Variants in NUP214 observed in about 807,000 individuals in gnomAD.
The protein encoded by NUP214 is nuclear pore complex protein Nup214.
NUP214 carries 79 observed loss-of-function variants against 196.2 expected under a neutral mutation model. That is an observed-to-expected ratio of 0.40 (90% CI 0.34 to 0.49). NUP214 has a LOEUF of 0.49. Ranked by LOEUF, NUP214 falls within the 20% of genes least tolerant of loss-of-function variation. NUP214 has a pLI of 0.58. For synonymous variants in NUP214, 1,020 were observed against 990.5 expected (o/e 1.03, Z -0.56); for missense variants, 2,468 against 2,539.0 (o/e 0.97, Z 0.60).
intron 27 of NUP214, chr9:131,194,168 C>CGTGTGTGTGTGTGTGTGTGTGTGTGT (rs555926078): frequency 7.0e-6 from 1 of 142,816 alleles, no homozygotes; most frequent in African/African-American, 2.6e-5. Context: ...TTGAACTTTG[C>CGTGTGTGTGTGTGTGTGTGTGTGTGT]GTGTGTGTGT....
At chr9:131,229,773 G>T (rs529414786) in intron 33 of NUP214, 1 of 518,892 alleles carries the variant, frequency 1.9e-6, no homozygotes, top group South Asian at 1.4e-5. Flanking sequence ...TCCAATGAGA[G>T]CAGATCCCTT....
At chr9:131,129,499 A>G in intron 4 of NUP214, 22 bp downstream of exon 4, 10 of 1,597,160 alleles carry the variant, frequency 6.3e-6, no homozygotes, top group Non-Finnish European at 8.6e-6. Flanking sequence ...AGGCTTTCAC[A>G]CTGTAGCATA....
At chr9:131,190,205 T>C in intron 26 of NUP214, 1 of 419,356 alleles carries the variant, frequency 2.4e-6, no homozygotes, top group Non-Finnish European at 4.2e-6. Flanking sequence ...GGCCTAAAGC[T>C]TTATGTTAAA....
intron 13 of NUP214, 55 bp from the exon 14 acceptor site, chr9:131,147,435 G>A: frequency 7.9e-7 from 1 of 1,264,266 alleles, no homozygotes; most frequent in Non-Finnish European, 1.1e-6. Context: ...ATTTGTGATA[G>A]GAGAAATAAA....
At chr9:131,184,525 G>A (rs1175939225) in intron 24 of NUP214, among the ~76,000 whole-genome samples, 5 of 151,512 alleles carry the variant, frequency 3.3e-5, no homozygotes, top group African/African-American at 4.9e-5. Context: ...TAGTAGAGAC[G>A]GAGTTTCACC....
At chr9:131,221,914 T>C (rs909852257) in intron 31 of NUP214, among the ~76,000 whole-genome samples, 1 of 151,528 alleles carries the variant, frequency 6.6e-6, no homozygotes, top group African/African-American at 2.4e-5. Flanking sequence ...ACAGCTGCTG[T>C]GTATGTGGAC....
chr9:131,223,735 T>TA (rs1564219806), intron 32 of NUP214, among the ~76,000 whole-genome samples: 1 of 13,142 alleles, frequency 7.6e-5, no homozygotes, highest in Non-Finnish European at 1.7e-4. Flanking sequence ...TTATTTTTTT[T>TA]TTTTTTTTTT....
In NUP214 at chr9:131,135,965, G is replaced by T. The variant is rs371920893; in HGVS notation, c.964G>T (p.Ala322Ser). The T allele has an allele frequency of 7.4e-6, 12 of 1,613,858 alleles. No homozygotes were observed. Among genetic ancestry groups the T allele is most frequent in the Non-Finnish European group, 1.0e-5 (12 of 1,179,830 alleles). ...EWDLVLAASA[A>S]STEVSILARQ... ...GGATTTAGTGCTGGCAGCATCTGCG[G>T]CTTCAACAGAAGTTAGTATCCTTGC... is the stretch of plus-strand genomic sequence containing the variant. Residue 322 changes from alanine (A) to serine (S), a missense_variant, in exon 9 of 36, where the codon GCT becomes TCT. Coordinates refer to ENST00000359428, the MANE Select transcript of NUP214 (RefSeq NM_005085.4).
rs1326050453 is a variant in NUP214, at chr9:131,144,676, G to A, written c.1691G>A (p.Ser564Asn). 1.2e-6 allele frequency: 2 copies of A among 1,614,166 alleles called. No homozygotes were observed. The highest frequency in any genetic ancestry group is 1.7e-6 in the Non-Finnish European group (2 of 1,180,018). The change falls in exon 12 of 36, where the codon AGT (serine) becomes AAT (asparagine). Residue 564 changes from serine (S) to asparagine (N), a missense_variant. Coordinates refer to ENST00000359428, the MANE Select transcript of NUP214 (RefSeq NM_005085.4). The part of the protein sequence containing the change: ...KPTLESTPVP[S>N]VSAPNIAMKP... ...ACCCTGGAAAGCACACCAGTGCCAA[G>A]TGTGTCTGCTCCAAATATAGCAATG...
chr9:131,125,633 G>A lies in NUP214; in HGVS notation c.-72G>A. The A allele has an allele frequency of 6.5e-7, 1 of 1,537,982 alleles. No individual in the cohort carries two copies. On this transcript the variant is annotated 5_prime_UTR_variant, in exon 1 of 36. Transcript: ENST00000359428. This position sits in a 1 kb window ranked among gnomAD's most constrained non-coding sequence, Gnocchi z 4.1. Reference sequence around the variant, plus strand: ...CGCTGAGGGGAGGAAGTTTGCTGTCGAGCGGCCTGGGTTCCGTGGGCAAGG... The same window carrying A: ...CGCTGAGGGGAGGAAGTTTGCTGTCAAGCGGCCTGGGTTCCGTGGGCAAGG...
At chr9:131,132,936 G>A in intron 6 of NUP214, 170 bp from the exon 7 acceptor site, 1 of 629,124 alleles carries the variant, frequency 1.6e-6, no homozygotes. Context: ...ACCATTTGGG[G>A]ATGAGTTTGG....
At chr9:131,173,842 G>A (rs941309680) in intron 21 of NUP214, among the ~76,000 whole-genome samples, 6 of 151,928 alleles carry the variant, frequency 3.9e-5, no homozygotes, top group East Asian at 1.9e-4. Context: ...AGATGTTCTC[G>A]TTCACACACC....
At chr9:131,210,485 G>A (rs977103395) in intron 30 of NUP214, among the ~76,000 whole-genome samples, 8 of 151,952 alleles carry the variant, frequency 5.3e-5, no homozygotes, top group East Asian at 1.9e-4. Context: ...AAAATTAGCC[G>A]GCATGGTGGC....
chr9:131,153,110 G>C (rs924342184), intron 17 of NUP214: 2 of 152,116 alleles, frequency 1.3e-5, no homozygotes, highest in African/African-American at 4.8e-5. Context: ...ATCGGATTTT[G>C]CTTTCCATCT....
chr9:131,190,419 A>G (rs758641737), intron 26 of NUP214: 9 of 690,428 alleles, frequency 1.3e-5, no homozygotes, highest in African/African-American at 8.9e-5. Flanking sequence ...TTCACCATTC[A>G]TTGCTGATCA....
At chr9:131,182,919 AAC>A (rs1363115610) in intron 24 of NUP214, among the ~76,000 whole-genome samples, 1 of 152,178 alleles carries the variant, frequency 6.6e-6, no homozygotes, top group Non-Finnish European at 1.5e-5. Flanking sequence ...ATACATCTTC[AAC>A]TTATCACAGA....
At position 131,130,752 on chromosome 9, in the gene NUP214, C is replaced by T. The variant is rs745383058; in HGVS notation, c.593-14C>T. 6.2e-7 allele frequency: 1 copy of T among 1,613,168 alleles called. No homozygotes were observed. Among genetic ancestry groups the T allele is most frequent in the South Asian group, 1.1e-5 (1 of 91,022 alleles). On this transcript the variant is annotated splice_polypyrimidine_tract_variant and intron_variant, in intron 4 of 35. Coordinates refer to ENST00000359428, the MANE Select transcript of NUP214 (RefSeq NM_005085.4). ...ATTTTCTTGTTTTCATTTGGTAATA[C>T]TGTCTTTGCTCAGTGTGCTGGAGCC...
chr9:131,138,870 G>A (rs1394673024), intron 9 of NUP214, among the ~76,000 whole-genome samples: 1 of 152,180 alleles, frequency 6.6e-6, no homozygotes, highest in Non-Finnish European at 1.5e-5. Context: ...GAGATCAGCT[G>A]GAGTTCCTGG....
chr9:131,199,410 G>A (rs1282195829), intron 29 of NUP214, among the ~76,000 whole-genome samples: 1 of 152,206 alleles, frequency 6.6e-6, no homozygotes, highest in African/African-American at 2.4e-5. Flanking sequence ...CTGCTCTAAT[G>A]TCAGGATAGT....
Sources: allele counts gnomAD v4.1 joint callset (sites outside exome capture counted in the v4.1 genomes callset), GRCh38; gene constraint gnomAD v4.1.1; non-coding constraint Gnocchi (gnomAD v3.1); transcripts MANE v1.5; gene names NCBI Gene and HGNC (gene_info 2026-07-23, HGNC 2026-07-21).